Variants in PKP4 observed in about 807,000 individuals in gnomAD.
PKP4 encodes the protein plakophilin-4.
In PKP4, 90 loss-of-function variants were observed where a neutral mutation model predicts 145.1. That is an observed-to-expected ratio of 0.62 (90% CI 0.52 to 0.74). PKP4 has a LOEUF of 0.74. Among genes scored for constraint, PKP4 ranks in the 30% least tolerant of loss-of-function variants. PKP4 has a pLI of 0.00. For synonymous variants in PKP4, 563 were observed against 577.2 expected, an observed-to-expected ratio of 0.98 and a Z score of 0.35; for missense variants, 1,340 against 1,482.7, an observed-to-expected ratio of 0.90 and a Z score of 1.58.
intron 1 of PKP4, among the ~76,000 whole-genome samples, chr2:158,479,441 C>A (rs1693009217): frequency 6.6e-6 from 1 of 152,136 alleles, no homozygotes; most frequent in South Asian, 2.1e-4. Flanking sequence ...CCAGGCTGGT[C>A]TTGAAATCCT....
chr2:158,577,784 ATTTAC>A, intron 3 of PKP4, among the ~76,000 whole-genome samples: 1 of 152,270 alleles, frequency 6.6e-6, no homozygotes, highest in Non-Finnish European at 1.5e-5. Context: ...AATGTCTTCA[ATTTAC>A]TTTGGGTTTT....
Position 158,621,368 on chromosome 2 carries a change from A to G in PKP4, c.550A>G (p.Thr184Ala). ...NRQQHSFIGS[T>A]NNHVVRNSRA... ...ACAGCAGCATTCATTCATAGGATCAACTAACAACCATGTGGTGAGGAATTC... is the reference window on the plus strand; with the variant it reads ...ACAGCAGCATTCATTCATAGGATCAGCTAACAACCATGTGGTGAGGAATTC... Residue 184 changes from threonine (T) to alanine (A), a missense_variant, in exon 6 of 22, where the codon ACT becomes GCT. Thr to Ala is a moderately conservative substitution (Grantham distance 58). Transcript: ENST00000389759. The G allele has an allele frequency of 2.5e-6, 4 of 1,614,186 alleles. No homozygotes were observed. Among genetic ancestry groups the G allele is most frequent in the Non-Finnish European group, 3.4e-6 (4 of 1,180,008 alleles).
chr2:158,575,447 A>G (rs1393746977), intron 2 of PKP4, among the ~76,000 whole-genome samples: 1 of 152,252 alleles, frequency 6.6e-6, no homozygotes, highest in Non-Finnish European at 1.5e-5. Flanking sequence ...GTTGTTTACA[A>G]GGTCACAGGC....
rs1343866586 is a variant in PKP4 at position 158,631,792 on chromosome 2, G to A, written c.1193G>A (p.Gly398Glu). Reference protein sequence around the residue: ...SSYASQHSQLGQDLRSAVSPD... With the variant: ...SSYASQHSQLEQDLRSAVSPD... ...TATGCTAGTCAGCATAGTCAGCTTG[G>A]GCAAGACCTTCGTTCTGCCGTGTCT... Residue 398 changes from glycine to glutamate, a missense_variant, in exon 8 of 22, where the codon GGG (glycine) becomes GAG (glutamate). Physicochemically the swap from Gly to Glu is moderately conservative, Grantham distance 98 (BLOSUM62 -2). Transcript: ENST00000389759. The A allele has an allele frequency of 1.2e-6, 2 of 1,614,022 alleles. No individual in the cohort carries two copies. Among genetic ancestry groups the A allele is most frequent in the South Asian group, 1.1e-5 (1 of 91,064 alleles).
At position 158,545,899 on chromosome 2, in the gene PKP4, G is replaced by A. The variant is rs374587447; in HGVS notation, c.132+12583G>A. On this transcript the variant is annotated intron_variant, in intron 2 of 21. Coordinates refer to ENST00000389759, the MANE Select transcript of PKP4 (RefSeq NM_003628.6). ...CTCTTAAGGAAGGTTTATATACAGTGCCTTTTAAAAATATTTCAAAATTGG... is the reference window on the plus strand; with the variant it reads ...CTCTTAAGGAAGGTTTATATACAGTACCTTTTAAAAATATTTCAAAATTGG... 1.5e-3 allele frequency among the ~76,000 whole-genome samples: 232 copies of A among 152,272 alleles called. 1 individual carries two copies. Among genetic ancestry groups the A allele is most frequent in the African/African-American group, 5.4e-3 (224 of 41,560 alleles).
At chr2:158,621,782 C>T (rs1465046259) in intron 6 of PKP4, among the ~76,000 whole-genome samples, 1 of 150,832 alleles carries the variant, frequency 6.6e-6, no homozygotes, top group Non-Finnish European at 1.5e-5. Context: ...AAAAGAAATA[C>T]ACTCCTAGTT....
chr2:158,642,849 A>G, intron 11 of PKP4, 150 bp downstream of exon 11: 1 of 484,290 alleles, frequency 2.1e-6, no homozygotes, highest in Non-Finnish European at 3.6e-6. Context: ...GCTGAGAATT[A>G]TTTAGTCTAA....
intron 1 of PKP4, among the ~76,000 whole-genome samples, chr2:158,532,538 A>G (rs112928398): frequency 0.014 from 2,108 of 152,298 alleles, 37 homozygotes; most frequent in African/African-American, 0.048. Context: ...TATTTTCCAA[A>G]ACTGTAGGAA....
chr2:158,597,726 C>T (rs2049879452), intron 3 of PKP4, among the ~76,000 whole-genome samples: 1 of 152,082 alleles, frequency 6.6e-6, no homozygotes, highest in South Asian at 2.1e-4. Context: ...TTGTTATTGG[C>T]TATGGTTTAT....
chr2:158,606,415 T>C (rs959245644), intron 4 of PKP4, among the ~76,000 whole-genome samples: 1 of 152,234 alleles, frequency 6.6e-6, no homozygotes, highest in African/African-American at 2.4e-5. Context: ...CTTTTTATTA[T>C]AGCCGTCCTA....
chr2:158,642,029 G>T (rs564018039), intron 10 of PKP4, among the ~76,000 whole-genome samples: 3 of 152,020 alleles, frequency 2.0e-5, no homozygotes, highest in East Asian at 1.9e-4. Flanking sequence ...TTTTTTTGGT[G>T]GGGGGTGGGG....
rs758215155 is a variant in PKP4, at chr2:158,510,143, A to AT, written c.-5-23032dup. Among the ~76,000 whole-genome samples, 10 of 152,288 alleles carry AT rather than the reference A, an allele frequency of 6.6e-5. No homozygotes were observed. The East Asian group carries it at 1.7e-3, about 26-fold the overall frequency. On this transcript the variant is annotated intron_variant, in intron 1 of 21. Transcript: ENST00000389759. Reference sequence around the variant, plus strand: ...AAAATGAAATCTGATTCTTTCTGACATTTTTACTGCCAACTAATAAACAAA... The same window carrying AT: ...AAAATGAAATCTGATTCTTTCTGACATTTTTTACTGCCAACTAATAAACAAA...
intron 2 of PKP4, among the ~76,000 whole-genome samples, chr2:158,561,122 T>G (rs1470106628): frequency 6.6e-6 from 1 of 152,190 alleles, no homozygotes; most frequent in Non-Finnish European, 1.5e-5. Context: ...GAAATCAAAT[T>G]TCAGTTTCCA....
chr2:158,597,026 C>T (rs1162448737), intron 3 of PKP4, among the ~76,000 whole-genome samples: 1 of 152,136 alleles, frequency 6.6e-6, no homozygotes, highest in Non-Finnish European at 1.5e-5. Flanking sequence ...AAAGTTGCTT[C>T]ACACTTTTGT....
chr2:158,545,714 T>G (rs1386765491), intron 2 of PKP4, among the ~76,000 whole-genome samples: 1 of 152,226 alleles, frequency 6.6e-6, no homozygotes, highest in Non-Finnish European at 1.5e-5. Context: ...TATTCCTAAT[T>G]GTAAACTGAT....
intron 21 of PKP4, among the ~76,000 whole-genome samples, chr2:158,679,960 A>G (rs1488943897): frequency 6.6e-6 from 1 of 152,250 alleles, no homozygotes; most frequent in Admixed American, 6.5e-5. Flanking sequence ...TAAATGTTCT[A>G]AAAGATGGTT....
At chr2:158,606,052 T>C (rs930475417) in intron 4 of PKP4, among the ~76,000 whole-genome samples, 5 of 152,222 alleles carry the variant, frequency 3.3e-5, no homozygotes, top group Admixed American at 6.5e-5. Flanking sequence ...TTGTCTGTTA[T>C]GAATAATGCT....
At chr2:158,575,355 G>A (rs2047756577) in intron 2 of PKP4, among the ~76,000 whole-genome samples, 1 of 152,100 alleles carries the variant, frequency 6.6e-6, no homozygotes, top group Non-Finnish European at 1.5e-5. Context: ...AAAGTCACCC[G>A]TTCTGCTTTT....
chr2:158,522,944 A>G (rs1387936956), intron 1 of PKP4, among the ~76,000 whole-genome samples: 13 of 152,284 alleles, frequency 8.5e-5, no homozygotes, highest in African/African-American at 3.1e-4. Context: ...ACGGCGCACC[A>G]CCAGACTATA....
Sources: allele counts gnomAD v4.1 joint callset (sites outside exome capture counted in the v4.1 genomes callset), GRCh38; gene constraint gnomAD v4.1.1; transcripts MANE v1.5; gene names NCBI Gene and HGNC (gene_info 2026-07-23, HGNC 2026-07-21).